Variants in DLG5 observed in about 807,000 individuals in gnomAD.
DLG5 encodes discs large MAGUK scaffold protein 5, also known as disks large homolog 5.
DLG5 carries 48 observed loss-of-function variants against 189.8 expected under a neutral mutation model. The observed-to-expected ratio is 0.25, with a 90% CI of 0.20 to 0.32. The LOEUF (loss-of-function observed/expected upper bound fraction) is 0.32. DLG5 is among the 10% of genes least tolerant of loss of function. The probability of loss-of-function intolerance (pLI) is 1.00; values close to 1 mark genes in which losing one functional copy is unlikely to be tolerated. For missense variants in DLG5, 2,160 were observed against 2,544.7 expected, an observed-to-expected ratio of 0.85 and a Z score of 3.25; for synonymous variants, 1,016 against 1,054.1, an observed-to-expected ratio of 0.96 and a Z score of 0.70.
chr10:77,835,638 TG>T, intron 8 of DLG5, 99 bp downstream of exon 8: 1 of 1,293,826 alleles, frequency 7.7e-7, no homozygotes, highest in Non-Finnish European at 1.0e-6. Flanking sequence ...CCACTTTACC[TG>T]GACATACAGT....
chr10:77,826,379 A>C (rs1476659259), intron 13 of DLG5, among the ~76,000 whole-genome samples: 1 of 152,220 alleles, frequency 6.6e-6, no homozygotes, highest in East Asian at 1.9e-4. Flanking sequence ...CTGTAATCCT[A>C]GCACTTCGGG....
intron 2 of DLG5, among the ~76,000 whole-genome samples, chr10:77,865,109 C>G (rs1844619707): frequency 6.6e-6 from 1 of 152,198 alleles, no homozygotes; most frequent in Non-Finnish European, 1.5e-5. Context: ...CCTTGAGTTA[C>G]TTCTTTCTTT....
At chr10:77,816,349 T>G (rs1382344406) in intron 20 of DLG5, among the ~76,000 whole-genome samples, 1 of 152,178 alleles carries the variant, frequency 6.6e-6, no homozygotes, top group Non-Finnish European at 1.5e-5. Context: ...CCCTCTTGGC[T>G]CCCTGCCTTG....
intron 9 of DLG5, among the ~76,000 whole-genome samples, chr10:77,832,793 C>G (rs530674540): frequency 1.3e-5 from 2 of 152,206 alleles, no homozygotes; most frequent in African/African-American, 4.8e-5. Context: ...GCTTTCCCTT[C>G]GAAGAGAACC....
At chr10:77,904,248 T>C (rs1473639578) in intron 1 of DLG5, among the ~76,000 whole-genome samples, 1 of 152,154 alleles carries the variant, frequency 6.6e-6, no homozygotes, top group African/African-American at 2.4e-5. Context: ...GCCACCATGT[T>C]AGAAGTGCCT....
In DLG5 at chr10:77,834,024, G is replaced by C. The variant is rs1432329295; in HGVS notation, c.1638C>G (p.Asn546Lys). Residue 546 changes from asparagine to lysine, a missense_variant, in exon 9 of 32, where the codon AAC (asparagine) becomes AAG (lysine). Asn to Lys is a moderately conservative substitution (Grantham distance 94). This residue lies in a region of DLG5 where 664 missense variants were observed against 838.5 expected (regional missense o/e 0.79). Coordinates refer to ENST00000372391, the MANE Select transcript of DLG5 (RefSeq NM_004747.4). The stretch of plus-strand genomic sequence containing the variant: ...CCGCACGGTCCCGCTCCCGCCTCAG[G>C]TTGTCACACAGTGTCCTGGTGGAAG... ...ERDSIRTLCDNLRRERDRAVS... is the reference protein window; with the variant it reads ...ERDSIRTLCDKLRRERDRAVS... 1.2e-6 allele frequency: 2 copies of C among 1,609,744 alleles called. No individual in the cohort carries two copies. The highest frequency in any genetic ancestry group is 1.3e-5 in the African/African-American group (1 of 75,032).
chr10:77,935,479 T>C, the DLG5 span, among the ~76,000 whole-genome samples: 2 of 152,000 alleles, frequency 1.3e-5, no homozygotes, highest in African/African-American at 4.8e-5. Flanking sequence ...GGGCTTTCTC[T>C]GCAGGCTAAG....
At position 77,807,905 on chromosome 10, in the gene DLG5, C is replaced by T; in HGVS notation, c.4687G>A (p.Val1563Ile). The T allele has an allele frequency of 6.2e-7, 1 of 1,614,252 alleles. No homozygotes were observed. Among genetic ancestry groups the T allele is most frequent in the Non-Finnish European group, 8.5e-7 (1 of 1,180,050 alleles). The change falls in exon 25 of 32, where the codon GTC becomes ATC. Residue 1563 changes from valine to isoleucine, a missense_variant. This residue lies in a region of DLG5 where 574 missense variants were observed against 644.2 expected (regional missense o/e 0.89). Transcript: ENST00000372391. ...LDVRNKTVEEVYVEMLKPRDG... is the reference protein window; with the variant it reads ...LDVRNKTVEEIYVEMLKPRDG... ...CTGGGCTTCAGCATCTCCACATAGA[C>T]TTCCTCCACTGTCTTGTTCCGCACG...
chr10:77,864,622 C>T (rs1027371297), intron 2 of DLG5, among the ~76,000 whole-genome samples: 10 of 152,250 alleles, frequency 6.6e-5, no homozygotes, highest in African/African-American at 2.4e-4. Context: ...GTCCCTGCAG[C>T]ACTCCGTGTG....
intron 7 of DLG5, among the ~76,000 whole-genome samples, chr10:77,837,168 T>C (rs914754021): frequency 8.1e-6 from 1 of 124,104 alleles, no homozygotes; most frequent in African/African-American, 3.2e-5. Flanking sequence ...TGAGCCCAGA[T>C]GGCGCCACTG....
chr10:77,806,129 T>C (rs1841458526), intron 26 of DLG5: 3 of 442,082 alleles, frequency 6.8e-6, no homozygotes, highest in Non-Finnish European at 1.2e-5. Context: ...CAAAAGGAAC[T>C]GCTAGGACAG....
At chr10:77,812,194 A>G (rs1478826580) in intron 21 of DLG5, 21 bp downstream of exon 21, 1 of 1,607,028 alleles carries the variant, frequency 6.2e-7, no homozygotes, top group South Asian at 1.1e-5. Context: ...GGCGCCATGC[A>G]GGAGGGCAGC....
chr10:77,881,331 A>G lies in DLG5; in HGVS notation c.305-12134T>C, dbSNP rs1845275439. 1.3e-5 allele frequency among the ~76,000 whole-genome samples: 2 copies of G among 152,200 alleles called. 1 individual carries two copies. Among genetic ancestry groups the G allele is most frequent in the South Asian group, 4.1e-4 (2 of 4,830 alleles). ...AACACTCAGGGAACAGGAGATACCT[A>G]GTAATCACTACTGGCAGGTCAGGAG... On this transcript the variant is annotated intron_variant, in intron 1 of 31. Transcript: ENST00000372391.
chr10:77,847,117 G>GT (rs1428698122), intron 5 of DLG5, among the ~76,000 whole-genome samples: 1 of 152,146 alleles, frequency 6.6e-6, no homozygotes, highest in Non-Finnish European at 1.5e-5. Context: ...AGCAAGGGCC[G>GT]TGAGAGTGGG....
In DLG5 at chr10:77,821,419, A is replaced by C. The variant is rs1441450123; in HGVS notation, c.3065T>G (p.Ile1022Ser). Residue 1022 changes from isoleucine to serine, a missense_variant, in exon 15 of 32, where the codon ATT (isoleucine) becomes AGT (serine). By Grantham distance (142) the Ile-to-Ser change is moderately radical. Around this residue, in one of 5 missense-constraint regions of DLG5, gnomAD observed 754 missense variants for 746.5 expected, o/e 1.01. Coordinates refer to ENST00000372391, the MANE Select transcript of DLG5 (RefSeq NM_004747.4). ...PPKPPRRSDS[I>S]KFQHRLETSS... Reference sequence around the variant, plus strand: ...AGTCTCCAGCCTGTGCTGGAACTTAATGGAGTCGCTCCTTCTGGGAGGTTT... The same window carrying C: ...AGTCTCCAGCCTGTGCTGGAACTTACTGGAGTCGCTCCTTCTGGGAGGTTT... The C allele has an allele frequency of 6.2e-7, 1 of 1,612,564 alleles. No homozygotes were observed. The highest frequency in any genetic ancestry group is 8.5e-7 in the Non-Finnish European group (1 of 1,179,962).
At chr10:77,870,035 T>G (rs983285338) in intron 1 of DLG5, among the ~76,000 whole-genome samples, 2 of 140,848 alleles carry the variant, frequency 1.4e-5, no homozygotes, top group African/African-American at 5.1e-5. Context: ...CCCCATCCCA[T>G]TTCAGCAATT....
chr10:77,856,598 G>T, intron 3 of DLG5, 132 bp downstream of exon 3: 1 of 1,182,522 alleles, frequency 8.5e-7, no homozygotes, highest in Non-Finnish European at 1.2e-6. Flanking sequence ...GACATGAGGT[G>T]GGGGAAAGGG....
At chr10:77,891,606 AC>A (rs1461720005) in intron 1 of DLG5, among the ~76,000 whole-genome samples, 3 of 151,496 alleles carry the variant, frequency 2.0e-5, no homozygotes, top group Non-Finnish European at 4.4e-5. Context: ...ACACACACAC[AC>A]ACACACACGA....
rs1841441128 is a variant in DLG5, at chr10:77,805,805, C to T, written c.5024G>A (p.Ser1675Asn). ...LSMSEVKDDN[S>N]ATKTLSAAAR... ...AGCCGCTGACAGCGTCTTTGTGGCG[C>T]TATTGTCATCTTTGACTTCAGACAT... Residue 1675 changes from serine to asparagine, a missense_variant, in exon 27 of 32, where the codon AGC becomes AAC. Physicochemically the swap from Ser to Asn is conservative, Grantham distance 46. Coordinates refer to ENST00000372391, the MANE Select transcript of DLG5 (RefSeq NM_004747.4). The T allele has an allele frequency of 1.9e-6, 3 of 1,614,202 alleles. No homozygotes were observed. Among genetic ancestry groups the T allele is most frequent in the Non-Finnish European group, 2.5e-6 (3 of 1,180,030 alleles).
Sources: allele counts gnomAD v4.1 joint callset (sites outside exome capture counted in the v4.1 genomes callset), GRCh38; gene constraint gnomAD v4.1.1; regional missense constraint gnomAD v4.1.1; transcripts MANE v1.5; gene names NCBI Gene and HGNC (gene_info 2026-07-23, HGNC 2026-07-21).